The following GLIPR1L2 variants were observed in gnomAD, a reference collection of about 807,000 sequenced individuals.
GLIPR1L2 encodes the protein GLIPR1-like protein 2.
Under a neutral mutation model 28.4 loss-of-function variants are expected in GLIPR1L2, and 21 were observed. The ratio of observed to expected loss-of-function variants is 0.74; its 90% CI spans 0.52 to 1.06. GLIPR1L2 has a LOEUF of 1.06. Ranked by LOEUF, GLIPR1L2 falls within the 50% of genes least tolerant of loss-of-function variation. GLIPR1L2 has a pLI of 0.00. For missense variants in GLIPR1L2, 476 were observed against 416.9 expected (o/e 1.14, Z -1.23); for synonymous variants, 145 against 139.3 (o/e 1.04, Z -0.29).
Position 75,391,111 on chromosome 12 carries a change from T to G in GLIPR1L2, c.-6T>G, listed in dbSNP as rs764714259. ...TGCGCACTGGCCTGTCAGCGGCCGG[T>G]GGACCATGGAGGCCGCAAGGCCCTT... On this transcript the variant is annotated 5_prime_UTR_variant, in exon 1 of 6. Coordinates refer to ENST00000550916, the MANE Select transcript of GLIPR1L2 (RefSeq NM_001270396.2). 3.1e-6 allele frequency: 5 copies of G among 1,604,852 alleles called. No individual in the cohort carries two copies. The highest frequency in any genetic ancestry group is 2.2e-5 in the East Asian group (1 of 44,802).
intron 2 of GLIPR1L2, among the ~76,000 whole-genome samples, chr12:75,413,170 G>C (rs985356460): frequency 4.3e-5 from 6 of 138,432 alleles, no homozygotes; most frequent in African/African-American, 1.7e-4. Context: ...ACAGGAAGGG[G>C]AACATCACAC....
chr12:75,421,533 T>C (rs1251196650), intron 3 of GLIPR1L2, among the ~76,000 whole-genome samples: 1 of 152,226 alleles, frequency 6.6e-6, no homozygotes, highest in African/African-American at 2.4e-5. Flanking sequence ...CTCCCAATTA[T>C]ATACCAGGTA....
At chr12:75,424,779 C>T (rs1362371747) in intron 4 of GLIPR1L2, among the ~76,000 whole-genome samples, 2 of 152,024 alleles carry the variant, frequency 1.3e-5, no homozygotes, top group Non-Finnish European at 2.9e-5. Context: ...ACTATAACAC[C>T]ATTACAGGGA....
intron 1 of GLIPR1L2, 143 bp downstream of exon 1, chr12:75,391,493 A>G: frequency 1.3e-6 from 2 of 1,542,014 alleles, no homozygotes; most frequent in East Asian, 4.9e-5. Context: ...AGTACACGTG[A>G]AGTTTACACA....
chr12:75,400,131 T>G (rs2139923737), intron 1 of GLIPR1L2, among the ~76,000 whole-genome samples: 1 of 152,296 alleles, frequency 6.6e-6, no homozygotes, highest in South Asian at 2.1e-4. Flanking sequence ...TTTATTTTTA[T>G]TTTTTGAGAC....
chr12:75,414,413 T>C (rs2045904475), intron 3 of GLIPR1L2, among the ~76,000 whole-genome samples: 1 of 152,096 alleles, frequency 6.6e-6, no homozygotes, highest in Non-Finnish European at 1.5e-5. Context: ...AAGAATTGAC[T>C]GCCTACCAAG....
At chr12:75,394,981 A>G (rs2045668331) in intron 1 of GLIPR1L2, among the ~76,000 whole-genome samples, 2 of 151,770 alleles carry the variant, frequency 1.3e-5, no homozygotes, top group South Asian at 4.1e-4. Context: ...ATTCCTAAAT[A>G]TTTTATTCTT....
intron 4 of GLIPR1L2, chr12:75,423,290 G>C (rs1326376381): frequency 1.5e-5 from 18 of 1,188,496 alleles, no homozygotes; most frequent in Non-Finnish European, 1.8e-5. Context: ...CCAAACAGCA[G>C]CCTGTTTGAT....
At position 75,429,941 on chromosome 12, in the gene GLIPR1L2, T is replaced by TTCTTTTC. The variant is rs1555234759; in HGVS notation, c.671-773_671-772insCTTTTCT. On this transcript the variant is annotated intron_variant, in intron 4 of 5. Coordinates refer to ENST00000550916, the MANE Select transcript of GLIPR1L2 (RefSeq NM_001270396.2). ...TTTCTTTTCTTTTCTTTTCTTTCTT[T>TTCTTTTC]TTTTTTTTTTTTTGAGACAGAGTCT... Among the ~76,000 whole-genome samples the TTCTTTTC allele has an allele frequency of 7.3e-4, 105 of 143,710 alleles. 2 individuals are homozygous for TTCTTTTC. Among genetic ancestry groups the TTCTTTTC allele is most frequent in the African/African-American group, 2.6e-3 (97 of 37,720 alleles). 94.3% of individuals were successfully genotyped at this position (143,710 alleles called of 152,430 possible).
At chr12:75,421,908 T>C (rs996929162) in intron 3 of GLIPR1L2, among the ~76,000 whole-genome samples, 26 of 152,170 alleles carry the variant, frequency 1.7e-4, no homozygotes, top group Non-Finnish European at 3.4e-4. Flanking sequence ...ATCATTTCTA[T>C]GAAACTTTTT....
chr12:75,424,741 A>C (rs1339522545), intron 4 of GLIPR1L2, among the ~76,000 whole-genome samples: 1 of 152,076 alleles, frequency 6.6e-6, no homozygotes, highest in Non-Finnish European at 1.5e-5. Flanking sequence ...TGAAGAAAAA[A>C]CAGAAACAAA....
intron 4 of GLIPR1L2, chr12:75,423,309 C>T: frequency 8.7e-7 from 1 of 1,151,792 alleles, no homozygotes; most frequent in Non-Finnish European, 1.1e-6. Flanking sequence ...ATAATAACTG[C>T]TTTAAAGGAT....
intron 4 of GLIPR1L2, 105 bp downstream of exon 4, chr12:75,423,094 G>A: frequency 6.3e-7 from 1 of 1,589,334 alleles, no homozygotes; most frequent in Non-Finnish European, 8.5e-7. Context: ...TTATTCCTTT[G>A]ATCAGAATGC....
At chr12:75,410,345 C>T (rs2045852318) in intron 1 of GLIPR1L2, 89 bp from the exon 2 acceptor site, 5 of 1,252,334 alleles carry the variant, frequency 4.0e-6, no homozygotes, top group Non-Finnish European at 3.2e-6. Context: ...GAATTGTTTC[C>T]TTTAAATCTA....
Position 75,431,105 on chromosome 12 carries a change from AGAGAG to A in GLIPR1L2, c.983_987del (p.Glu328GlyfsTer47). The A allele has an allele frequency of 1.8e-6, 2 of 1,097,396 alleles. No individual in the cohort carries two copies. The highest frequency in any genetic ancestry group is 2.7e-6 in the Non-Finnish European group (2 of 748,360). 68.0% of individuals were successfully genotyped at this position (1,097,396 alleles called of 1,614,324 possible). On this transcript the variant is annotated frameshift_variant, in exon 6 of 6. Coordinates refer to ENST00000550916, the MANE Select transcript of GLIPR1L2 (RefSeq NM_001270396.2). LOFTEE classifies it low-confidence loss of function (END_TRUNC). ...GGAAATGGAGGAGGAAAAAGAAGAG[AGAGAG>A]GAGGAGGAGGAGGAAACACAAAAAG...
chr12:75,421,561 A>T (rs1253262744), intron 3 of GLIPR1L2, among the ~76,000 whole-genome samples: 1 of 152,222 alleles, frequency 6.6e-6, no homozygotes, highest in Non-Finnish European at 1.5e-5. Context: ...AATACTGATT[A>T]AATTACCAGG....
chr12:75,402,426 A>C (rs1279158015), intron 1 of GLIPR1L2, among the ~76,000 whole-genome samples: 4 of 152,250 alleles, frequency 2.6e-5, no homozygotes, highest in Admixed American at 1.3e-4. Context: ...CAAATCTCCA[A>C]ATGTGATAAA....
At chr12:75,423,572 G>GT in intron 4 of GLIPR1L2, 1 of 615,694 alleles carries the variant, frequency 1.6e-6, no homozygotes, top group African/African-American at 2.0e-5. Context: ...ATATTATGTT[G>GT]TTTTTTAATT....
chr12:75,410,356 A>C, intron 1 of GLIPR1L2, 78 bp from the exon 2 acceptor site: 4 of 1,327,772 alleles, frequency 3.0e-6, no homozygotes, highest in Non-Finnish European at 4.1e-6. Context: ...TTTAAATCTA[A>C]TGATAACTCA....
Sources: gnomAD v4.1 joint callset for allele counts (sites outside exome capture counted in the v4.1 genomes callset) on GRCh38, gnomAD v4.1.1 for gene constraint, MANE v1.5 for transcripts, NCBI Gene and HGNC (gene_info 2026-07-23, HGNC 2026-07-21) for gene names.